The following SUGCT variants were observed in gnomAD, a reference collection of about 807,000 sequenced individuals.
SUGCT encodes succinyl-CoA:glutarate CoA-transferase.
A neutral mutation model predicts 55.0 loss-of-function variants in SUGCT; 41 were observed. The observed-to-expected ratio is 0.74, with a 90% confidence interval of 0.58 to 0.97. SUGCT has a LOEUF of 0.97. Among genes scored for constraint, SUGCT ranks in the 50% least tolerant of loss-of-function variants. SUGCT has a pLI of 0.00. For synonymous variants in SUGCT, 187 were observed against 200.4 expected, an observed-to-expected ratio of 0.93 and a Z score of 0.56; for missense variants, 568 against 547.8, an observed-to-expected ratio of 1.04 and a Z score of -0.37.
intron 9 of SUGCT, among the ~76,000 whole-genome samples, chr7:40,440,340 A>T (rs912371761): frequency 6.6e-6 from 1 of 151,334 alleles, no homozygotes; most frequent in Non-Finnish European, 1.5e-5. Flanking sequence ...TTGTATTTTT[A>T]GTAGAGACGG....
chr7:40,819,676 A>G (rs1246500881), intron 13 of SUGCT, among the ~76,000 whole-genome samples: 2 of 152,180 alleles, frequency 1.3e-5, no homozygotes, highest in Non-Finnish European at 2.9e-5. Flanking sequence ...TCAGATGGGT[A>G]GATTGTAAAA....
chr7:40,600,746 A>T (rs1798253623), intron 12 of SUGCT, among the ~76,000 whole-genome samples: 1 of 149,916 alleles, frequency 6.7e-6, no homozygotes, highest in African/African-American at 2.5e-5. Flanking sequence ...TTTTAATAAG[A>T]CTTGTGGATT....
chr7:40,421,356 C>A (rs546030292), intron 9 of SUGCT, among the ~76,000 whole-genome samples: 1 of 152,180 alleles, frequency 6.6e-6, no homozygotes, highest in South Asian at 2.1e-4. Flanking sequence ...CCTCAATACC[C>A]CACCTCTTGC....
Position 40,551,207 on chromosome 7 carries a change from C to T in SUGCT, c.1089+54821C>T, listed in dbSNP as rs140408338. Among the ~76,000 whole-genome samples the T allele has an allele frequency of 2.8e-3, 432 of 152,324 alleles. 4 individuals are homozygous for T. The highest frequency in any genetic ancestry group is 9.7e-3 in the African/African-American group (402 of 41,552). ...AAACTTCTTGTTCTCTTAGTTCCCA[C>T]TCCACCCTTTGGTGATCCTTAGTGA... On this transcript the variant is annotated intron_variant, in intron 12 of 13. Coordinates refer to ENST00000335693, the MANE Select transcript of SUGCT (RefSeq NM_001193313.2).
intron 13 of SUGCT, among the ~76,000 whole-genome samples, chr7:40,842,375 G>GTCT (rs1233266578): frequency 6.6e-6 from 1 of 152,004 alleles, no homozygotes; most frequent in Non-Finnish European, 1.5e-5. Flanking sequence ...TTTTTTTAAA[G>GTCT]TCTGACAGTG....
At chr7:40,815,361 T>C (rs1048405361) in intron 13 of SUGCT, among the ~76,000 whole-genome samples, 4 of 152,200 alleles carry the variant, frequency 2.6e-5, no homozygotes, top group South Asian at 2.1e-4. Context: ...GACTGAGGGG[T>C]AGTTTAAACT....
At chr7:40,798,838 AT>A (rs912143826) in intron 13 of SUGCT, among the ~76,000 whole-genome samples, 3 of 152,080 alleles carry the variant, frequency 2.0e-5, no homozygotes, top group African/African-American at 7.2e-5. Flanking sequence ...TTAACAGTAC[AT>A]TTTTTTCTTT....
the SUGCT span, among the ~76,000 whole-genome samples, chr7:41,004,607 G>T: frequency 1.3e-5 from 2 of 152,192 alleles, no homozygotes; most frequent in Admixed American, 1.3e-4. Context: ...AACTGCTATG[G>T]CTCTAACAAG....
chr7:40,565,635 C>G (rs1796089380), intron 12 of SUGCT, among the ~76,000 whole-genome samples: 1 of 152,108 alleles, frequency 6.6e-6, no homozygotes, highest in Non-Finnish European at 1.5e-5. Context: ...CCTCCGATGT[C>G]TTTCCATCAT....
the SUGCT span, among the ~76,000 whole-genome samples, chr7:40,908,595 A>G: frequency 1.9e-4 from 29 of 152,256 alleles, no homozygotes; most frequent in African/African-American, 6.7e-4. Context: ...AAGCTTTAAC[A>G]TTTGCATAGG....
At chr7:40,805,614 C>T (rs1467280816) in intron 13 of SUGCT, among the ~76,000 whole-genome samples, 2 of 152,212 alleles carry the variant, frequency 1.3e-5, no homozygotes, top group Non-Finnish European at 2.9e-5. Flanking sequence ...TTTGCTGTTT[C>T]ACTGTCTGGA....
At chr7:40,476,527 T>C (rs1008947249) in intron 11 of SUGCT, among the ~76,000 whole-genome samples, 2 of 152,138 alleles carry the variant, frequency 1.3e-5, no homozygotes, top group Non-Finnish European at 2.9e-5. Flanking sequence ...CAATTGTGAG[T>C]TCTTTTTTTG....
At chr7:40,974,815 G>A in the SUGCT span, among the ~76,000 whole-genome samples, 1 of 151,572 alleles carries the variant, frequency 6.6e-6, no homozygotes, top group East Asian at 1.9e-4. Flanking sequence ...AGTACATTAT[G>A]TGTACCAAGT....
the SUGCT span, among the ~76,000 whole-genome samples, chr7:40,909,822 T>A: frequency 1.3e-5 from 2 of 152,172 alleles, no homozygotes; most frequent in South Asian, 4.1e-4. Context: ...AGTGAATTCA[T>A]CTGTACGAAA....
At chr7:40,488,915 A>T (rs190911845) in intron 11 of SUGCT, among the ~76,000 whole-genome samples, 1 of 152,188 alleles carries the variant, frequency 6.6e-6, no homozygotes, top group Non-Finnish European at 1.5e-5. Flanking sequence ...TTGATATTTG[A>T]CAGTTTGATT....
At chr7:40,595,057 AT>A (rs752864574) in intron 12 of SUGCT, among the ~76,000 whole-genome samples, 14 of 152,232 alleles carry the variant, frequency 9.2e-5, no homozygotes, top group Non-Finnish European at 1.9e-4. Flanking sequence ...CAGAAAAAAA[AT>A]AATTCTCTGT....
chr7:40,831,585 C>T (rs1027620266), intron 13 of SUGCT, among the ~76,000 whole-genome samples: 1 of 152,174 alleles, frequency 6.6e-6, no homozygotes, highest in Non-Finnish European at 1.5e-5. Context: ...CCTTGAAGCC[C>T]TATATAATGC....
intron 13 of SUGCT, among the ~76,000 whole-genome samples, chr7:40,803,628 A>G (rs570126455): frequency 6.6e-6 from 1 of 152,316 alleles, no homozygotes; most frequent in East Asian, 1.9e-4. Flanking sequence ...ATATTTTTGA[A>G]CAATTAAAAA....
the SUGCT span, among the ~76,000 whole-genome samples, chr7:40,985,968 G>A: frequency 6.6e-6 from 1 of 152,162 alleles, no homozygotes; most frequent in Non-Finnish European, 1.5e-5. Flanking sequence ...AATTTCATTA[G>A]GAATAATTAC....
Sources: gnomAD v4.1 joint callset for allele counts (sites outside exome capture counted in the v4.1 genomes callset) on GRCh38, gnomAD v4.1.1 for gene constraint, MANE v1.5 for transcripts, NCBI Gene and HGNC (gene_info 2026-07-23, HGNC 2026-07-21) for gene names.